Variants in PDE3A observed in about 807,000 individuals in gnomAD.
The protein encoded by PDE3A is cGMP-inhibited 3',5'-cyclic phosphodiesterase 3A.
Under a neutral mutation model 98.3 loss-of-function variants are expected in PDE3A, and 43 were observed. The observed-to-expected ratio is 0.44, with a 90% CI of 0.34 to 0.56. The LOEUF is 0.56. PDE3A is among the 20% of genes least tolerant of loss of function. The probability of loss-of-function intolerance (pLI) is 0.01; values close to 1 mark genes in which losing one functional copy is unlikely to be tolerated. For missense variants in PDE3A, 1,427 were observed against 1,440.7 expected (o/e 0.99, Z 0.15); for synonymous variants, 663 against 567.9 (o/e 1.17, Z -2.38).
intron 2 of PDE3A, among the ~76,000 whole-genome samples, chr12:20,576,210 A>G (rs1949540037): frequency 6.6e-6 from 1 of 152,044 alleles, no homozygotes; most frequent in Admixed American, 6.6e-5. Context: ...TTATTATACT[A>G]ATCTATAAAA....
At chr12:20,574,272 T>C (rs1401143547) in intron 2 of PDE3A, among the ~76,000 whole-genome samples, 1 of 152,022 alleles carries the variant, frequency 6.6e-6, no homozygotes, top group Non-Finnish European at 1.5e-5. Context: ...TATAATTAAG[T>C]TTTTCTGGAA....
At position 20,617,339 on chromosome 12, in the gene PDE3A, TTATTTG is replaced by T. The variant is rs1157582405; in HGVS notation, c.1424+960_1424+965del. On this transcript the variant is annotated intron_variant, in intron 4 of 15. Coordinates refer to ENST00000359062, the MANE Select transcript of PDE3A (RefSeq NM_000921.5). ...AAATTTTTAATTGGTTTCTTCCATATTATTTGTATTCTAAGACATCTATAGAATTGG... is the reference window on the plus strand; with the variant it reads ...AAATTTTTAATTGGTTTCTTCCATATTATTCTAAGACATCTATAGAATTGG... Among the ~76,000 whole-genome samples the T allele has an allele frequency of 2.0e-5, 3 of 152,304 alleles. No homozygotes were observed. The East Asian group carries it at 5.8e-4, about 29-fold the overall frequency.
intron 1 of PDE3A, among the ~76,000 whole-genome samples, chr12:20,400,437 C>A (rs1318328254): frequency 1.7e-5 from 2 of 117,288 alleles, no homozygotes; most frequent in Non-Finnish European, 1.7e-5. Context: ...GATGGAGTCT[C>A]GATCTGTCGC....
At chr12:20,611,064 C>G (rs1250825559) in intron 2 of PDE3A, among the ~76,000 whole-genome samples, 1 of 151,836 alleles carries the variant, frequency 6.6e-6, no homozygotes, top group Non-Finnish European at 1.5e-5. Flanking sequence ...CACAAAAATA[C>G]TATGCAAGAC....
intron 1 of PDE3A, among the ~76,000 whole-genome samples, chr12:20,374,479 A>C (rs544797728): frequency 6.6e-6 from 1 of 152,046 alleles, no homozygotes; most frequent in Non-Finnish European, 1.5e-5. Flanking sequence ...TATGAAATAC[A>C]TTTTGAAAAG....
chr12:20,529,671 G>T (rs1946589360), intron 1 of PDE3A, among the ~76,000 whole-genome samples: 1 of 152,004 alleles, frequency 6.6e-6, no homozygotes, highest in African/African-American at 2.4e-5. Flanking sequence ...GCCAGGGAGA[G>T]GCAAGGATTC....
At chr12:20,484,632 T>G (rs1945692550) in intron 1 of PDE3A, among the ~76,000 whole-genome samples, 3 of 152,236 alleles carry the variant, frequency 2.0e-5, no homozygotes, top group Admixed American at 1.3e-4. Flanking sequence ...TTGTTTAAAC[T>G]TTCTGCTTTG....
chr12:20,635,079 A>T, intron 8 of PDE3A, 23 bp downstream of exon 8: 1 of 1,583,690 alleles, frequency 6.3e-7, no homozygotes, highest in Non-Finnish European at 8.6e-7. Context: ...CACTTAACTC[A>T]CTCATTTACT....
chr12:20,488,384 C>G (rs59656175), intron 1 of PDE3A, among the ~76,000 whole-genome samples: 13,361 of 152,170 alleles, frequency 0.088, 1,374 homozygotes, highest in African/African-American at 0.25. Context: ...TTAAGGATTC[C>G]ATTTAATTGC....
chr12:20,638,556 T>C (rs879637871), intron 9 of PDE3A, among the ~76,000 whole-genome samples: 1 of 152,072 alleles, frequency 6.6e-6, no homozygotes, highest in African/African-American at 2.4e-5. Flanking sequence ...GATTTAAGGG[T>C]AGCTGTTCAG....
chr12:20,422,310 C>T (rs903005504), intron 1 of PDE3A, among the ~76,000 whole-genome samples: 1 of 151,756 alleles, frequency 6.6e-6, no homozygotes, highest in Non-Finnish European at 1.5e-5. Flanking sequence ...CACCACTGCA[C>T]TCCAGCCTGG....
At chr12:20,539,362 A>G (rs991555756) in intron 1 of PDE3A, among the ~76,000 whole-genome samples, 8 of 152,170 alleles carry the variant, frequency 5.3e-5, no homozygotes, top group South Asian at 2.1e-4. Context: ...AGATGCCACT[A>G]TCTTAGCCAC....
intron 10 of PDE3A, among the ~76,000 whole-genome samples, chr12:20,645,905 T>C (rs1440947109): frequency 6.6e-6 from 1 of 152,250 alleles, no homozygotes. Flanking sequence ...CTTAGAACTA[T>C]ATTCTGAAAT....
chr12:20,395,691 T>TAC (rs918776659), intron 1 of PDE3A, among the ~76,000 whole-genome samples: 2 of 146,602 alleles, frequency 1.4e-5, no homozygotes, highest in African/African-American at 5.0e-5. Context: ...AGAATCATTA[T>TAC]ATATATATAT....
At chr12:20,491,187 T>G (rs1316850663) in intron 1 of PDE3A, among the ~76,000 whole-genome samples, 1 of 152,248 alleles carries the variant, frequency 6.6e-6, no homozygotes, top group Admixed American at 6.5e-5. Context: ...CTTTGCCGAT[T>G]CAGTGCCACA....
At chr12:20,537,652 C>T (rs1180580798) in intron 1 of PDE3A, among the ~76,000 whole-genome samples, 3 of 151,984 alleles carry the variant, frequency 2.0e-5, no homozygotes, top group Admixed American at 2.0e-4. Flanking sequence ...TTACTCTGAG[C>T]ACACAATATT....
At chr12:20,657,894 C>T (rs1245124401) in intron 15 of PDE3A, among the ~76,000 whole-genome samples, 1 of 152,178 alleles carries the variant, frequency 6.6e-6, no homozygotes, top group African/African-American at 2.4e-5. Context: ...AATGCACTGC[C>T]ATCAATGTGT....
Position 20,514,047 on chromosome 12 carries a change from A to G in PDE3A, c.961-42613A>G, listed in dbSNP as rs1313150219. Among the ~76,000 whole-genome samples the G allele has an allele frequency of 4.6e-5, 7 of 152,356 alleles. No individual in the cohort carries two copies. In the East Asian group the frequency reaches 1.4e-3, roughly 29 times the overall value. ...CAGTGGCTTCCAACCTTGGCTGCAC[A>G]TTAAAATAACATGGGAATAGGTAAA... is the stretch of plus-strand genomic sequence containing the variant. On this transcript the variant is annotated intron_variant, in intron 1 of 15. Transcript: ENST00000359062.
intron 1 of PDE3A, among the ~76,000 whole-genome samples, chr12:20,486,972 T>TA (rs1377218873): frequency 6.6e-6 from 1 of 152,218 alleles, no homozygotes; most frequent in Non-Finnish European, 1.5e-5. Flanking sequence ...GTTTGAGAGT[T>TA]AGAGATACGT....
Sources: allele counts gnomAD v4.1 joint callset (sites outside exome capture counted in the v4.1 genomes callset), GRCh38; gene constraint gnomAD v4.1.1; transcripts MANE v1.5; gene names NCBI Gene and HGNC (gene_info 2026-07-23, HGNC 2026-07-21).